The following ARHGAP24 variants were observed in gnomAD, a reference collection of about 807,000 sequenced individuals.
The protein encoded by ARHGAP24 is Rho GTPase activating protein 24.
A neutral mutation model predicts 76.4 loss-of-function variants in ARHGAP24; 50 were observed. The ratio of observed to expected loss-of-function variants is 0.65; its 90% CI spans 0.52 to 0.83. The LOEUF (loss-of-function observed/expected upper bound fraction) is 0.83, where lower values mean the gene tolerates loss of function less well. ARHGAP24 is among the 40% of genes least tolerant of loss of function. ARHGAP24 has a pLI of 0.00. For synonymous variants in ARHGAP24, 345 were observed against 323.3 expected (o/e 1.07, Z -0.72); for missense variants, 930 against 914.2 (o/e 1.02, Z -0.22).
At chr4:85,738,390 T>TATTATTATTATC (rs1725685649) in intron 3 of ARHGAP24, among the ~76,000 whole-genome samples, 1 of 146,992 alleles carries the variant, frequency 6.8e-6, no homozygotes, top group African/African-American at 2.5e-5. Flanking sequence ...TTATTATTAT[T>TATTATTATTATC]ATTATTATTA....
chr4:85,487,781 A>G (rs1333680233), intron 1 of ARHGAP24, among the ~76,000 whole-genome samples: 2 of 108,192 alleles, frequency 1.8e-5, no homozygotes, highest in Non-Finnish European at 3.4e-5. Flanking sequence ...TATATTTATT[A>G]TATATTATAT....
At chr4:85,746,122 T>C (rs918950026) in intron 3 of ARHGAP24, among the ~76,000 whole-genome samples, 1 of 152,238 alleles carries the variant, frequency 6.6e-6, no homozygotes, top group African/African-American at 2.4e-5. Context: ...CACAGTAATA[T>C]AGATACCTGC....
chr4:85,907,264 T>C (rs941513272), intron 3 of ARHGAP24, among the ~76,000 whole-genome samples: 16 of 152,306 alleles, frequency 1.1e-4, no homozygotes, highest in African/African-American at 2.6e-4. Context: ...GGCTTTCCTG[T>C]AACTGCCAAC....
chr4:85,601,280 G>T (rs1720020330), intron 2 of ARHGAP24, among the ~76,000 whole-genome samples: 1 of 152,124 alleles, frequency 6.6e-6, no homozygotes, highest in Non-Finnish European at 1.5e-5. Context: ...ATAAATATTT[G>T]TTAAATAAGT....
chr4:85,863,212 C>T (rs142990748), intron 3 of ARHGAP24, among the ~76,000 whole-genome samples: 6 of 152,104 alleles, frequency 3.9e-5, no homozygotes, highest in Non-Finnish European at 7.4e-5. Flanking sequence ...AGCTACTTCT[C>T]CTTTCCACAG....
At chr4:85,972,303 ACT>A in intron 6 of ARHGAP24, 135 bp downstream of exon 6, 2 of 1,157,604 alleles carry the variant, frequency 1.7e-6, no homozygotes, top group South Asian at 1.3e-5. Context: ...CCTCACACAC[ACT>A]GAGACTTTCC....
intron 2 of ARHGAP24, among the ~76,000 whole-genome samples, chr4:85,663,145 C>G (rs1364655143): frequency 6.6e-6 from 1 of 151,470 alleles, no homozygotes; most frequent in East Asian, 1.9e-4. Flanking sequence ...TCTTCCTACC[C>G]ATGAGCATGG....
intron 1 of ARHGAP24, among the ~76,000 whole-genome samples, chr4:85,546,021 C>T (rs1473182951): frequency 6.6e-6 from 1 of 152,096 alleles, no homozygotes; most frequent in Admixed American, 6.6e-5. Context: ...TTTAAAACAG[C>T]CACTTATTAG....
At chr4:85,724,015 A>G (rs1725061208) in intron 3 of ARHGAP24, among the ~76,000 whole-genome samples, 1 of 152,220 alleles carries the variant, frequency 6.6e-6, no homozygotes, top group South Asian at 2.1e-4. Context: ...ATTGTTTAAC[A>G]TGATAATTTG....
At chr4:85,514,752 G>C (rs1724418329) in intron 1 of ARHGAP24, among the ~76,000 whole-genome samples, 1 of 126,826 alleles carries the variant, frequency 7.9e-6, no homozygotes, top group South Asian at 2.6e-4. Context: ...ACTTCCACTT[G>C]TCCCACTTGC....
At chr4:85,990,885 C>T (rs945042060) in intron 8 of ARHGAP24, 1 of 151,840 alleles carries the variant, frequency 6.6e-6, no homozygotes, top group Non-Finnish European at 1.5e-5. Context: ...ACACAAAAGG[C>T]TCTAACTATA....
chr4:85,924,247 T>C (rs1446901100), intron 4 of ARHGAP24, among the ~76,000 whole-genome samples: 2 of 152,152 alleles, frequency 1.3e-5, no homozygotes. Flanking sequence ...CAGTTAAGTG[T>C]TGGTAAATTT....
At chr4:85,683,686 C>T (rs1723315078) in intron 2 of ARHGAP24, among the ~76,000 whole-genome samples, 1 of 152,114 alleles carries the variant, frequency 6.6e-6, no homozygotes, top group African/African-American at 2.4e-5. Context: ...TGTTGTACAG[C>T]AGATCTCTAG....
At chr4:85,590,013 A>G (rs1231916820) in intron 2 of ARHGAP24, among the ~76,000 whole-genome samples, 1 of 152,216 alleles carries the variant, frequency 6.6e-6, no homozygotes, top group African/African-American at 2.4e-5. Context: ...TCCCTCTTTT[A>G]GAAGAAAAGG....
At chr4:85,827,461 C>CGTGTGTGTGGGTGTGTGTGTGT (rs1729772633) in intron 3 of ARHGAP24, among the ~76,000 whole-genome samples, 1 of 108,642 alleles carries the variant, frequency 9.2e-6, no homozygotes, top group African/African-American at 3.4e-5. Context: ...GAAGTCTGCC[C>CGTGTGTGTGGGTGTGTGTGTGT]GTGTGTGTGT....
chr4:85,750,475 C>T (rs1016687518), intron 3 of ARHGAP24, among the ~76,000 whole-genome samples: 16 of 116,788 alleles, frequency 1.4e-4, no homozygotes, highest in Non-Finnish European at 2.3e-4. Flanking sequence ...TAACATGACT[C>T]TTTTCATTCC....
chr4:85,692,577 G>A (rs1237353647), intron 2 of ARHGAP24, among the ~76,000 whole-genome samples: 1 of 151,996 alleles, frequency 6.6e-6, no homozygotes, highest in Non-Finnish European at 1.5e-5. Flanking sequence ...CAGTGTTTGG[G>A]CTCTGAGATT....
intron 2 of ARHGAP24, among the ~76,000 whole-genome samples, chr4:85,662,391 G>C (rs954438530): frequency 6.6e-6 from 1 of 150,636 alleles, no homozygotes; most frequent in Non-Finnish European, 1.5e-5. Context: ...AAATTTGTTT[G>C]AGTTCATTGT....
intron 2 of ARHGAP24, among the ~76,000 whole-genome samples, chr4:85,585,364 C>A (rs371596697): frequency 1.3e-5 from 2 of 152,202 alleles, no homozygotes; most frequent in African/African-American, 2.4e-5. Flanking sequence ...TCTTCTTGGG[C>A]ATGGGACAGA....
Sources: allele counts gnomAD v4.1 joint callset (sites outside exome capture counted in the v4.1 genomes callset), GRCh38; gene constraint gnomAD v4.1.1; transcripts MANE v1.5; gene names NCBI Gene and HGNC (gene_info 2026-07-23, HGNC 2026-07-21).